CDHR5: variants seen among roughly 807,000 people sequenced by gnomAD.
The protein encoded by CDHR5 is cadherin-related family member 5.
A neutral mutation model predicts 69.5 loss-of-function variants in CDHR5; 82 were observed. The ratio of observed to expected loss-of-function variants is 1.18; its 90% confidence interval spans 0.99 to 1.42. CDHR5 has a LOEUF of 1.42. Among genes scored for constraint, CDHR5 ranks in the 40% most tolerant of loss-of-function variants. CDHR5 has a pLI of 0.00. For missense variants in CDHR5, 1,293 were observed against 1,168.9 expected (o/e 1.11, Z -1.55); for synonymous variants, 601 against 510.2 (o/e 1.18, Z -2.40).
chr11:616,900 T>G lies in CDHR5; in HGVS notation c.*451A>C. ...CCACCGGCTCCCAAGTGCGTCGCCT[T>G]GGGGGTTTGCATCGGCTCCTCAGCC... On this transcript the variant is annotated 3_prime_UTR_variant, in exon 15 of 15. Transcript: ENST00000397542. The G allele has an allele frequency of 5.4e-6, 1 of 186,800 alleles. No individual in the cohort carries two copies. Among genetic ancestry groups the G allele is most frequent in the Non-Finnish European group, 1.1e-5 (1 of 88,004 alleles). The allele number at this position is 186,800 out of a possible 1,614,324, so 11.6% of individuals were successfully genotyped here.
Position 619,298 on chromosome 11 carries a change from G to A in CDHR5, c.1378+8C>T, listed in dbSNP as rs771912980. On this transcript the variant is annotated splice_region_variant and intron_variant, in intron 12 of 14. Transcript: ENST00000397542. ...ACCCTGGGGGCTCACCTGTGGAGGG[G>A]GGCTTACCTGTGGAGGGGGGCTCCT... 1 of 1,595,288 alleles carries A rather than the reference G, an allele frequency of 6.3e-7. No individual in the cohort carries two copies. The highest frequency in any genetic ancestry group is 8.6e-7 in the Non-Finnish European group (1 of 1,165,704).
rs763654741 is a variant in CDHR5 at position 617,443 on chromosome 11, C to T, written c.2446G>A (p.Ala816Thr). The change falls in exon 15 of 15, where the codon GCC becomes ACC. Residue 816 changes from alanine (A) to threonine (T), a missense_variant. Transcript: ENST00000397542. ...LNAPTLDVDG[A>T]SDSGSGDEGE... Reference sequence around the variant, plus strand: ...TCATCGCCGCTGCCGGAGTCACTGGCGCCATCCACGTCCAGGGTGGGCGCG... The same window carrying T: ...TCATCGCCGCTGCCGGAGTCACTGGTGCCATCCACGTCCAGGGTGGGCGCG... The T allele has an allele frequency of 1.8e-5, 29 of 1,612,332 alleles. No individual in the cohort carries two copies. Among genetic ancestry groups the T allele is most frequent in the South Asian group, 8.8e-5 (8 of 91,072 alleles).
In CDHR5 at chr11:619,815, C is replaced by G; in HGVS notation, c.1045G>C (p.Gly349Arg). The G allele has an allele frequency of 6.3e-7, 1 of 1,581,952 alleles. No individual in the cohort carries two copies. Residue 349 changes from glycine to arginine, a missense_variant, in exon 10 of 15, where the codon GGG becomes CGG. Transcript: ENST00000397542. ...QVTVEAVAAA[G>R]SPPRFPQRLY... The stretch of plus-strand genomic sequence containing the variant: ...CTCTGGGGGAAGCGGGGCGGGCTCC[C>G]GGCCGCAGCCACAGCCTCCACGGTG...
intron 3 of CDHR5, among the ~76,000 whole-genome samples, chr11:622,810 G>A (rs774609609): frequency 6.8e-4 from 103 of 151,988 alleles, no homozygotes; most frequent in Non-Finnish European, 1.4e-3. Flanking sequence ...CCACAATGTC[G>A]TTGTCACACC....
chr11:619,626 C>A (rs1304452515), intron 10 of CDHR5, 39 bp from the exon 11 acceptor site: 1 of 1,607,274 alleles, frequency 6.2e-7, no homozygotes, highest in Admixed American at 1.7e-5. Flanking sequence ...CAGGCTGCCT[C>A]CCACGTACAG....
chr11:619,518 G>A lies in CDHR5; in HGVS notation c.1249C>T (p.Leu417=). The change falls in exon 11 of 15, where the codon CTG becomes TTG. Residue 417 remains leucine (L), a synonymous_variant. Transcript: ENST00000397542. ...SHFRMEGEVV[L]TTTTLAQAGA... The stretch of plus-strand genomic sequence containing the variant: ...GCCTGTGCCAGTGTGGTGGTGGTCA[G>A]CACAACCTCTCCCTCCATCCGGAAG... The A allele has an allele frequency of 6.2e-7, 1 of 1,613,920 alleles. No homozygotes were observed. Among genetic ancestry groups the A allele is most frequent in the Non-Finnish European group, 8.5e-7 (1 of 1,179,832 alleles).
In CDHR5 at chr11:620,172, G is replaced by C. The variant is rs535967646; in HGVS notation, c.881-8C>G. ...ATGTACCATTCACGTTTCCTGGGAGGATGATGGAAGTGCTCAGCCCCGGCC... is the reference window on the plus strand; with the variant it reads ...ATGTACCATTCACGTTTCCTGGGAGCATGATGGAAGTGCTCAGCCCCGGCC... On this transcript the variant is annotated splice_polypyrimidine_tract_variant and splice_region_variant and intron_variant, in intron 8 of 14. Coordinates refer to ENST00000397542, the MANE Select transcript of CDHR5 (RefSeq NM_021924.5). 1.9e-6 allele frequency: 3 copies of C among 1,611,818 alleles called. No individual in the cohort carries two copies. The East Asian group carries it at 6.7e-5, about 36-fold the overall frequency.
At chr11:618,262 G>A in intron 13 of CDHR5, 151 bp from the exon 14 acceptor site, 1 of 720,362 alleles carries the variant, frequency 1.4e-6, no homozygotes. Flanking sequence ...CTGGCTCAAG[G>A]GGCCTGTGTG....
chr11:617,643 G>A lies in CDHR5; in HGVS notation c.2246C>T (p.Pro749Leu). ...AEAPMPAEPA[P>L]PGPASPGGAP... ...ACCGCCTGGGGAGGCAGGGCCGGGG[G>A]GTGCGGGCTCTGCGGGCATCGGTGC... The change falls in exon 15 of 15, where the codon CCC (proline) becomes CTC (leucine). Residue 749 changes from proline (P) to leucine (L), a missense_variant. Pro to Leu is a moderately conservative substitution (Grantham distance 98). Transcript: ENST00000397542. The A allele has an allele frequency of 5.1e-6, 8 of 1,560,124 alleles. No homozygotes were observed. Among genetic ancestry groups the A allele is most frequent in the Non-Finnish European group, 6.9e-6 (8 of 1,155,306 alleles).
rs554478114 is a variant in CDHR5 at position 618,714 on chromosome 11, G to A, written c.1845C>T (p.Pro615=). Residue 615 remains proline, a synonymous_variant, in exon 13 of 15, where the codon CCC becomes CCT. Transcript: ENST00000397542. The part of the protein sequence containing the change: ...PEAGTSQPMP[P]GMGTSTSHQP... ...GGTGGGAGGTGCTGGTTCCCATACCGGGGGGCATCGGCTGAGAGGTTCCTG... is the reference window on the plus strand; with the variant it reads ...GGTGGGAGGTGCTGGTTCCCATACCAGGGGGCATCGGCTGAGAGGTTCCTG... 42 of 1,586,890 alleles carry A rather than the reference G, an allele frequency of 2.6e-5. No individual in the cohort carries two copies. The highest frequency in any genetic ancestry group is 3.1e-5 in the Non-Finnish European group (36 of 1,166,888).
chr11:616,884 C>T lies in CDHR5; in HGVS notation c.*467G>A. 5.5e-6 allele frequency: 1 copy of T among 181,264 alleles called. No individual in the cohort carries two copies. The highest frequency in any genetic ancestry group is 1.1e-4 in the South Asian group (1 of 9,296). The allele number at this position is 181,264 out of a possible 1,614,324, so 11.2% of individuals were successfully genotyped here. A position where few individuals can be genotyped will look rare whatever the true frequency, so the allele number is the denominator to read the frequency against. The stretch of plus-strand genomic sequence containing the variant: ...CGGCAGGTGTTTGAGACCACCGGCT[C>T]CCAAGTGCGTCGCCTTGGGGGTTTG... On this transcript the variant is annotated 3_prime_UTR_variant, in exon 15 of 15. Coordinates refer to ENST00000397542, the MANE Select transcript of CDHR5 (RefSeq NM_021924.5).
chr11:617,237 C>T lies in CDHR5; in HGVS notation c.*114G>A. On this transcript the variant is annotated 3_prime_UTR_variant, in exon 15 of 15. Coordinates refer to ENST00000397542, the MANE Select transcript of CDHR5 (RefSeq NM_021924.5). Reference sequence around the variant, plus strand: ...GGACCCCCATGGACCCGCGCGCCTGCCCCACGCCATGGCCTGGGTTTCGGG... The same window carrying T: ...GGACCCCCATGGACCCGCGCGCCTGTCCCACGCCATGGCCTGGGTTTCGGG... The T allele has an allele frequency of 1.2e-6, 1 of 821,134 alleles. No individual in the cohort carries two copies. The highest frequency in any genetic ancestry group is 2.6e-5 in the Admixed American group (1 of 38,244). The allele number at this position is 821,134 out of a possible 1,614,324, so 50.9% of individuals were successfully genotyped here. A position where few individuals can be genotyped will look rare whatever the true frequency, so the allele number is the denominator to read the frequency against.
rs369371491 is a variant in CDHR5 at position 619,754 on chromosome 11, G to A, written c.1106C>T (p.Ala369Val). 97 of 1,611,742 alleles carry A rather than the reference G, an allele frequency of 6.0e-5. No individual in the cohort carries two copies. The highest frequency in any genetic ancestry group is 7.5e-5 in the Non-Finnish European group (89 of 1,179,962). ...AGCTGCATCCTTGACCACAACGCCC[G>A]CTCCAGCGCCACGCGCCACGGTGCC... ...YRGTVARGAG[A>V]GVVVKDAAAP... Residue 369 changes from alanine (A) to valine (V), a missense_variant, in exon 10 of 15, where the codon GCG becomes GTG. Transcript: ENST00000397542.
chr11:621,256 A>G lies in CDHR5; in HGVS notation c.619-6T>C, dbSNP rs374536118. ...ACATTCTCCCCCGGAGTGTCCTGCA[A>G]CAGACGGCTGTGCTGGATCAGGCCT... On this transcript the variant is annotated splice_region_variant and splice_polypyrimidine_tract_variant and intron_variant, in intron 6 of 14. Coordinates refer to ENST00000397542, the MANE Select transcript of CDHR5 (RefSeq NM_021924.5). The surrounding 1 kb of genome is among the most constrained non-coding windows in gnomAD (Gnocchi z 4.4). 25 of 1,602,964 alleles carry G rather than the reference A, an allele frequency of 1.6e-5. No homozygotes were observed. The East Asian group carries it at 2.2e-4, about 14-fold the overall frequency.
rs993403972 is a variant in CDHR5 at position 616,631 on chromosome 11, G to A, written c.*720C>T. On this transcript the variant is annotated 3_prime_UTR_variant, in exon 15 of 15. Coordinates refer to ENST00000397542, the MANE Select transcript of CDHR5 (RefSeq NM_021924.5). Reference sequence around the variant, plus strand: ...TTTCCATTAGGGAAAGTGCTGACAAGCCGCAAGGGATCCCTTGATGGTTCT... The same window carrying A: ...TTTCCATTAGGGAAAGTGCTGACAAACCGCAAGGGATCCCTTGATGGTTCT... The A allele has an allele frequency of 5.2e-5, 8 of 152,654 alleles. No homozygotes were observed. Among genetic ancestry groups the A allele is most frequent in the African/African-American group, 1.9e-4 (8 of 41,466 alleles). The allele number at this position is 152,654 out of a possible 1,614,324, so 9.5% of individuals were successfully genotyped here.
intron 3 of CDHR5, 125 bp from the exon 4 acceptor site, chr11:622,029 G>A: frequency 1.4e-6 from 1 of 710,602 alleles, no homozygotes; most frequent in Admixed American, 2.5e-5. Flanking sequence ...CCCGCCCTAA[G>A]TGAGGTGCAC....
At chr11:620,416 CGTG>C in intron 7 of CDHR5, 30 bp from the exon 8 acceptor site, 1 of 1,513,440 alleles carries the variant, frequency 6.6e-7, no homozygotes, top group Non-Finnish European at 9.1e-7. Flanking sequence ...GAGGGCACGT[CGTG>C]GGGCTGGGGT....
Position 618,704 on chromosome 11 carries a change from T to C in CDHR5, c.1855A>G (p.Thr619Ala), listed in dbSNP as rs1183324305. The change falls in exon 13 of 15, where the codon ACC becomes GCC. Residue 619 changes from threonine to alanine, a missense_variant. Thr to Ala is a moderately conservative substitution (Grantham distance 58). Coordinates refer to ENST00000397542, the MANE Select transcript of CDHR5 (RefSeq NM_021924.5). ...TSQPMPPGMG[T>A]STSHQPTTPG... ...GTGGTTGGTTGGTGGGAGGTGCTGG[T>C]TCCCATACCGGGGGGCATCGGCTGA... 6.3e-7 allele frequency: 1 copy of C among 1,585,912 alleles called. No individual in the cohort carries two copies. The highest frequency in any genetic ancestry group is 1.8e-5 in the Admixed American group (1 of 56,664).
chr11:622,472 T>C (rs1431121757), intron 3 of CDHR5, among the ~76,000 whole-genome samples: 1 of 152,186 alleles, frequency 6.6e-6, no homozygotes, highest in Non-Finnish European at 1.5e-5. Flanking sequence ...TTTTGGGTTT[T>C]TTTGGATACA....
Sources: allele counts gnomAD v4.1 joint callset (sites outside exome capture counted in the v4.1 genomes callset), GRCh38; gene constraint gnomAD v4.1.1; non-coding constraint Gnocchi (gnomAD v3.1); transcripts MANE v1.5; gene names NCBI Gene and HGNC (gene_info 2026-07-23, HGNC 2026-07-21).